CFAP54: variants seen among roughly 807,000 people sequenced by gnomAD.
The protein encoded by CFAP54 is cilia and flagella associated protein 54.
In CFAP54, 290 loss-of-function variants were observed where a neutral mutation model predicts 370.4. The ratio of observed to expected loss-of-function variants is 0.78; its 90% CI spans 0.71 to 0.86. The LOEUF (loss-of-function observed/expected upper bound fraction) is 0.86. Ranked by LOEUF, CFAP54 falls within the 40% of genes least tolerant of loss-of-function variation. The probability of loss-of-function intolerance (pLI) is 0.00; values close to 1 mark genes in which losing one functional copy is unlikely to be tolerated. For missense variants in CFAP54, 3,399 were observed against 3,528.7 expected (o/e 0.96, Z 0.93); for synonymous variants, 1,206 against 1,236.5 (o/e 0.98, Z 0.52).
rs372845564 is a variant in CFAP54 at position 96,612,865 on chromosome 12, G to A, written c.3640-8725G>A. On this transcript the variant is annotated intron_variant, in intron 26 of 67. Transcript: ENST00000524981. ...ACCCAATACAGAAGCACCCAGATTC[G>A]TAAAGCAAGTCCTTAGAGACCTACA... Among the ~76,000 whole-genome samples, 134 of 152,240 alleles carry A rather than the reference G, an allele frequency of 8.8e-4. 4 individuals are homozygous for A. The South Asian group carries it at 0.025, about 28-fold the overall frequency.
intron 20 of CFAP54, among the ~76,000 whole-genome samples, chr12:96,579,899 A>G (rs1956015732): frequency 2.0e-5 from 3 of 151,758 alleles, no homozygotes; most frequent in Non-Finnish European, 4.4e-5. Context: ...AAATTAAACT[A>G]AATATAAAAA....
rs180705028 is a variant in CFAP54, at chr12:96,757,474, T to C, written c.7947-21T>C. 34 of 1,341,486 alleles carry C rather than the reference T, an allele frequency of 2.5e-5. No individual in the cohort carries two copies. The East Asian group carries it at 7.4e-4, about 29-fold the overall frequency. 83.1% of individuals were successfully genotyped at this position (1,341,486 alleles called of 1,614,324 possible). On this transcript the variant is annotated intron_variant, in intron 57 of 67. Coordinates refer to ENST00000524981, the MANE Select transcript of CFAP54 (RefSeq NM_001306084.2). ...ATGCATGGTGAAGCTATTTAATAAG[T>C]ACAGTGCTATATCATTTTAGATTGA...
At chr12:96,748,979 A>G (rs971851042) in intron 55 of CFAP54, among the ~76,000 whole-genome samples, 5 of 152,214 alleles carry the variant, frequency 3.3e-5, no homozygotes, top group African/African-American at 1.2e-4. Context: ...ATCGAGAGCC[A>G]TCTGGCCTAT....
intron 26 of CFAP54, among the ~76,000 whole-genome samples, chr12:96,607,100 A>T (rs1956309558): frequency 6.6e-6 from 1 of 152,224 alleles, no homozygotes; most frequent in Admixed American, 6.5e-5. Flanking sequence ...TCATGGCCTG[A>T]CCTCAAGAGC....
chr12:96,764,057 G>T, intron 58 of CFAP54, 94 bp from the exon 59 acceptor site: 1 of 715,482 alleles, frequency 1.4e-6, no homozygotes. Flanking sequence ...ATTATCCTTA[G>T]TGACTACATA....
chr12:96,754,460 G>A (rs2136657751), intron 56 of CFAP54, among the ~76,000 whole-genome samples: 1 of 152,310 alleles, frequency 6.6e-6, no homozygotes, highest in Non-Finnish European at 1.5e-5. Flanking sequence ...GCTAGGTGCT[G>A]TATTCAGTAT....
intron 65 of CFAP54, among the ~76,000 whole-genome samples, chr12:96,820,036 G>A (rs1959014659): frequency 2.0e-5 from 3 of 152,066 alleles, no homozygotes; most frequent in Admixed American, 2.0e-4. Flanking sequence ...CCTCCTACTT[G>A]CCATGGTGTG....
At chr12:96,649,390 G>A (rs1397263422) in intron 34 of CFAP54, among the ~76,000 whole-genome samples, 3 of 151,958 alleles carry the variant, frequency 2.0e-5, no homozygotes, top group African/African-American at 2.4e-5. Context: ...TTTTGCTACC[G>A]AGACTTACTA....
chr12:96,538,730 T>A, intron 13 of CFAP54: 1 of 530,378 alleles, frequency 1.9e-6, no homozygotes, highest in South Asian at 2.4e-5. Flanking sequence ...TTTTGTTTGT[T>A]GTGAGGAGCG....
At chr12:96,596,400 A>G (rs976468262) in intron 25 of CFAP54, among the ~76,000 whole-genome samples, 3 of 152,150 alleles carry the variant, frequency 2.0e-5, no homozygotes, top group African/African-American at 7.2e-5. Context: ...AACAGAGGGT[A>G]GTTTCCAGAA....
chr12:96,771,782 C>T (rs922513097), intron 60 of CFAP54, among the ~76,000 whole-genome samples: 1 of 152,148 alleles, frequency 6.6e-6, no homozygotes, highest in East Asian at 1.9e-4. Flanking sequence ...CCAGTGAAAC[C>T]CAGGGAGCTC....
chr12:96,636,820 G>A lies in CFAP54; in HGVS notation c.4316+6169G>A, dbSNP rs184107916. 3.6e-3 allele frequency among the ~76,000 whole-genome samples: 543 copies of A among 152,160 alleles called. 2 individuals carry two copies. Among genetic ancestry groups the A allele is most frequent in the African/African-American group, 0.012 (511 of 41,520 alleles). On this transcript the variant is annotated intron_variant, in intron 32 of 67. Transcript: ENST00000524981. ...AATACAAAAATTAGCTGGGTGTGGC[G>A]GCACACGCCTGTAATCCCAGCTACT...
chr12:96,601,748 G>T (rs758921861), intron 26 of CFAP54, among the ~76,000 whole-genome samples: 1 of 152,162 alleles, frequency 6.6e-6, no homozygotes, highest in Non-Finnish European at 1.5e-5. Context: ...TTGCATAGAG[G>T]TGTTTATAGT....
chr12:96,684,591 TA>T (rs1957304616), intron 40 of CFAP54, 56 bp from the exon 41 acceptor site: 6 of 1,460,060 alleles, frequency 4.1e-6, no homozygotes, highest in African/African-American at 1.4e-5. Context: ...CTTGCAAATA[TA>T]AAAAAATATT....
At chr12:96,737,859 T>G (rs1039409560) in intron 50 of CFAP54, among the ~76,000 whole-genome samples, 2 of 152,204 alleles carry the variant, frequency 1.3e-5, no homozygotes, top group Non-Finnish European at 2.9e-5. Context: ...GGGAGCCTTC[T>G]TATAGGATCC....
At chr12:96,806,189 TATATATATATATATATATATATATA>T (rs1202078645) in intron 63 of CFAP54, among the ~76,000 whole-genome samples, 2 of 84,216 alleles carry the variant, frequency 2.4e-5, no homozygotes, top group African/African-American at 9.4e-5. Flanking sequence ...TATATATATA[TATATATATATATATATATATATATA>T]ATAACAACAT....
chr12:96,585,333 G>A (rs1388572482), intron 22 of CFAP54, among the ~76,000 whole-genome samples: 1 of 151,922 alleles, frequency 6.6e-6, no homozygotes, highest in Admixed American at 6.6e-5. Context: ...GCTAATTTTT[G>A]TATTTTTAGA....
intron 17 of CFAP54, among the ~76,000 whole-genome samples, chr12:96,557,770 G>T (rs1293936033): frequency 1.3e-5 from 2 of 151,796 alleles, no homozygotes; most frequent in Non-Finnish European, 2.9e-5. Flanking sequence ...ATGAAAGCTT[G>T]GGATTCTTAA....
At chr12:96,665,460 A>C (rs1193497560) in intron 39 of CFAP54, among the ~76,000 whole-genome samples, 1 of 152,142 alleles carries the variant, frequency 6.6e-6, no homozygotes, top group Non-Finnish European at 1.5e-5. Context: ...TGGGTTTTGC[A>C]ATTAAGTCTT....
Sources: allele counts gnomAD v4.1 joint callset (sites outside exome capture counted in the v4.1 genomes callset), GRCh38; gene constraint gnomAD v4.1.1; transcripts MANE v1.5; gene names NCBI Gene and HGNC (gene_info 2026-07-23, HGNC 2026-07-21).